Variants in GRIK2 observed in about 807,000 individuals in gnomAD.
GRIK2 encodes the protein glutamate receptor ionotropic, kainate 2.
GRIK2 carries 32 observed loss-of-function variants against 100.3 expected under a neutral mutation model. The observed-to-expected ratio is 0.32, with a 90% confidence interval of 0.24 to 0.43. GRIK2 has a LOEUF of 0.43. Among genes scored for constraint, GRIK2 ranks in the 20% least tolerant of loss-of-function variants. The probability of loss-of-function intolerance (pLI) is 1.00; values close to 1 mark genes in which losing one functional copy is unlikely to be tolerated. For missense variants in GRIK2, 843 were observed against 1,114.9 expected, an observed-to-expected ratio of 0.76 and a Z score of 3.47; for synonymous variants, 417 against 389.4, an observed-to-expected ratio of 1.07 and a Z score of -0.83.
At chr6:101,938,133 TTTTC>T (rs1204737726) in intron 14 of GRIK2, among the ~76,000 whole-genome samples, 4 of 152,108 alleles carry the variant, frequency 2.6e-5, no homozygotes, top group Non-Finnish European at 5.9e-5. Flanking sequence ...TAAGTTTTTT[TTTTC>T]TTTCTTTATG....
chr6:101,728,762 G>A (rs1401504345), intron 7 of GRIK2, among the ~76,000 whole-genome samples: 1 of 151,956 alleles, frequency 6.6e-6, no homozygotes, highest in Non-Finnish European at 1.5e-5. Flanking sequence ...ATATTTATCT[G>A]GATATTTTAA....
At chr6:101,481,622 ATACT>A (rs1354195058) in intron 2 of GRIK2, among the ~76,000 whole-genome samples, 1 of 152,204 alleles carries the variant, frequency 6.6e-6, no homozygotes. Flanking sequence ...TGGGTATTAA[ATACT>A]TAATACTTTC....
chr6:101,506,568 C>A (rs1397116225), intron 2 of GRIK2, among the ~76,000 whole-genome samples: 1 of 152,030 alleles, frequency 6.6e-6, no homozygotes. Flanking sequence ...GATCAGAGTT[C>A]CATGAAAATG....
At chr6:102,032,378 G>T (rs1232036974) in intron 14 of GRIK2, among the ~76,000 whole-genome samples, 1 of 151,142 alleles carries the variant, frequency 6.6e-6, no homozygotes, top group African/African-American at 2.4e-5. Context: ...CTACGAGAGG[G>T]GAGGGAAAAT....
chr6:102,044,115 A>T (rs1419420141), intron 15 of GRIK2, among the ~76,000 whole-genome samples: 1 of 152,026 alleles, frequency 6.6e-6, no homozygotes, highest in Non-Finnish European at 1.5e-5. Context: ...GAAATTCATG[A>T]GCAAAAATGA....
intron 14 of GRIK2, among the ~76,000 whole-genome samples, chr6:102,015,892 C>T (rs538138127): frequency 3.3e-5 from 5 of 152,284 alleles, no homozygotes; most frequent in African/African-American, 1.2e-4. Flanking sequence ...GAGTCCTGAT[C>T]TGAGCCTTGG....
At chr6:101,868,847 C>A (rs558638132) in intron 11 of GRIK2, among the ~76,000 whole-genome samples, 1 of 151,854 alleles carries the variant, frequency 6.6e-6, no homozygotes, top group African/African-American at 2.4e-5. Context: ...GAAAAAAATT[C>A]AGTATTATTC....
chr6:101,735,463 A>G (rs1424706064), intron 7 of GRIK2, among the ~76,000 whole-genome samples: 1 of 152,216 alleles, frequency 6.6e-6, no homozygotes, highest in Non-Finnish European at 1.5e-5. Context: ...ATGGACTTAC[A>G]GCTCTGCATG....
intron 2 of GRIK2, among the ~76,000 whole-genome samples, chr6:101,553,326 A>T (rs1351952974): frequency 1.3e-5 from 2 of 152,184 alleles, no homozygotes; most frequent in African/African-American, 4.8e-5. Context: ...TTACTTTAAA[A>T]TGTGTTAATT....
chr6:101,655,930 T>A (rs1163360655), intron 4 of GRIK2, among the ~76,000 whole-genome samples: 3 of 151,848 alleles, frequency 2.0e-5, no homozygotes, highest in Non-Finnish European at 4.4e-5. Flanking sequence ...AGATGGACCC[T>A]TCTCTCATCT....
chr6:102,048,108 G>T, intron 15 of GRIK2, among the ~76,000 whole-genome samples: 1 of 150,806 alleles, frequency 6.6e-6, no homozygotes, highest in East Asian at 2.0e-4. Flanking sequence ...ACACCCAATG[G>T]AAAAAAACAG....
intron 7 of GRIK2, among the ~76,000 whole-genome samples, chr6:101,793,958 C>A (rs1290527233): frequency 6.6e-6 from 1 of 152,186 alleles, no homozygotes; most frequent in Non-Finnish European, 1.5e-5. Flanking sequence ...GCAGTTTGAT[C>A]TCAGACTTCT....
chr6:101,679,467 G>A (rs192942137), intron 5 of GRIK2, among the ~76,000 whole-genome samples: 3 of 152,128 alleles, frequency 2.0e-5, no homozygotes, highest in Admixed American at 6.6e-5. Flanking sequence ...TATGACAACC[G>A]CTTTTATGTT....
At chr6:101,922,066 C>T (rs1013421933) in intron 12 of GRIK2, among the ~76,000 whole-genome samples, 1 of 148,050 alleles carries the variant, frequency 6.8e-6, no homozygotes, top group Non-Finnish European at 1.5e-5. Flanking sequence ...TTCCTTCCTA[C>T]CTTTCTCCAT....
intron 7 of GRIK2, among the ~76,000 whole-genome samples, chr6:101,747,071 G>A (rs560578227): frequency 2.6e-5 from 4 of 152,048 alleles, no homozygotes; most frequent in South Asian, 2.1e-4. Context: ...TAAGTCTTCC[G>A]TGTCCCTTTG....
intron 4 of GRIK2, among the ~76,000 whole-genome samples, chr6:101,650,226 G>A (rs1582892240): frequency 6.6e-6 from 1 of 152,012 alleles, no homozygotes; most frequent in East Asian, 1.9e-4. Flanking sequence ...AGGAAACATT[G>A]GAAACCAATT....
intron 14 of GRIK2, among the ~76,000 whole-genome samples, chr6:101,971,554 T>G (rs1582642889): frequency 6.6e-6 from 1 of 152,078 alleles, no homozygotes; most frequent in South Asian, 2.1e-4. Flanking sequence ...TTTTTTCTTT[T>G]ATTTTTATAA....
At chr6:101,800,104 T>C (rs1780579425) in intron 8 of GRIK2, among the ~76,000 whole-genome samples, 1 of 152,102 alleles carries the variant, frequency 6.6e-6, no homozygotes. Context: ...TAAAATGCAT[T>C]TTTAACATAA....
At chr6:101,968,507 A>G (rs1170795265) in intron 14 of GRIK2, among the ~76,000 whole-genome samples, 2 of 152,078 alleles carry the variant, frequency 1.3e-5, no homozygotes, top group Admixed American at 6.6e-5. Flanking sequence ...GGAGCATATC[A>G]TTATGGAATC....
Sources: gnomAD v4.1 joint callset for allele counts (sites outside exome capture counted in the v4.1 genomes callset) on GRCh38, gnomAD v4.1.1 for gene constraint, MANE v1.5 for transcripts, NCBI Gene and HGNC (gene_info 2026-07-23, HGNC 2026-07-21) for gene names.